Variants in PCDHA7 observed in about 807,000 individuals in gnomAD.
PCDHA7 encodes protocadherin alpha 7.
Under a neutral mutation model 57.2 loss-of-function variants are expected in PCDHA7, and 37 were observed. The observed-to-expected ratio is 0.65, with a 90% CI of 0.50 to 0.85. PCDHA7 has a LOEUF of 0.85. Ranked by LOEUF, PCDHA7 falls within the 40% of genes least tolerant of loss-of-function variation. The probability of loss-of-function intolerance (pLI) is 0.00; values close to 1 mark genes in which losing one functional copy is unlikely to be tolerated. For synonymous variants in PCDHA7, 553 were observed against 558.8 expected, an observed-to-expected ratio of 0.99 and a Z score of 0.15; for missense variants, 1,188 against 1,241.8, an observed-to-expected ratio of 0.96 and a Z score of 0.65.
At chr5:140,945,760 G>T (rs2093839081) in intron 1 of PCDHA7, among the ~76,000 whole-genome samples, 2 of 152,154 alleles carry the variant, frequency 1.3e-5, no homozygotes, top group East Asian at 1.9e-4. Flanking sequence ...AAATGGTGGT[G>T]GGACAATTTG....
intron 1 of PCDHA7, chr5:140,882,615 T>A (rs1554174850): frequency 6.2e-7 from 1 of 1,614,020 alleles, no homozygotes; most frequent in South Asian, 1.1e-5. Flanking sequence ...CCTCTGCAGG[T>A]TTTCCATGTG....
chr5:140,967,034 C>T (rs782810130), intron 1 of PCDHA7: 9 of 1,610,726 alleles, frequency 5.6e-6, no homozygotes, highest in Non-Finnish European at 2.5e-6. Flanking sequence ...TCCGCGCTAC[C>T]TGGAGCTGGA....
At position 140,959,344 on chromosome 5, in the gene PCDHA7, C is replaced by T. The variant is rs541663379; in HGVS notation, c.2356-19605C>T. Among the ~76,000 whole-genome samples the T allele has an allele frequency of 2.0e-4, 30 of 152,112 alleles. No individual in the cohort carries two copies. The South Asian group carries it at 6.0e-3, about 31-fold the overall frequency. On this transcript the variant is annotated intron_variant, in intron 1 of 3. Coordinates refer to ENST00000525929, the MANE Select transcript of PCDHA7 (RefSeq NM_018910.3). Reference sequence around the variant, plus strand: ...AAGTTTTGATTATGCTACTGCACTCCAGCGGGACAACTGAGTGAGACCCTG... The same window carrying T: ...AAGTTTTGATTATGCTACTGCACTCTAGCGGGACAACTGAGTGAGACCCTG...
chr5:140,899,995 A>G (rs1449060467), intron 1 of PCDHA7, among the ~76,000 whole-genome samples: 1 of 151,872 alleles, frequency 6.6e-6, no homozygotes, highest in Non-Finnish European at 1.5e-5. Context: ...TTTTTTGTAG[A>G]GATGAGGTCT....
At chr5:140,906,589 C>T (rs2072764004) in intron 1 of PCDHA7, among the ~76,000 whole-genome samples, 1 of 152,220 alleles carries the variant, frequency 6.6e-6, no homozygotes, top group South Asian at 2.1e-4. Context: ...TGACTACCTT[C>T]CTCTACTACT....
chr5:140,926,783 C>G lies in PCDHA7; in HGVS notation c.2356-52166C>G, dbSNP rs1230665699. 5.0e-6 allele frequency: 7 copies of G among 1,410,188 alleles called. No homozygotes were observed. The African/African-American group carries it at 7.3e-5, about 15-fold the overall frequency. The allele number at this position is 1,410,188 out of a possible 1,614,324, so 87.4% of individuals were successfully genotyped here. On this transcript the variant is annotated intron_variant, in intron 1 of 3. Transcript: ENST00000525929. The stretch of plus-strand genomic sequence containing the variant: ...GTATCCAGCCCGCAGCAGTGACGGC[C>G]GGCAGGAGCGTGCTCTTCCCCGCGG...
At chr5:140,966,789 C>T (rs782194817) in intron 1 of PCDHA7, 3 of 1,528,688 alleles carry the variant, frequency 2.0e-6, no homozygotes, top group Non-Finnish European at 2.6e-6. Flanking sequence ...GGCACCAGAC[C>T]TGCGGCGACA....
In PCDHA7 at chr5:141,010,032, T is replaced by C. The variant is rs529237892; in HGVS notation, c.*95T>C. 6.3e-7 allele frequency: 1 copy of C among 1,582,368 alleles called. No individual in the cohort carries two copies. Among genetic ancestry groups the C allele is most frequent in the African/African-American group, 1.4e-5 (1 of 73,468 alleles). On this transcript the variant is annotated 3_prime_UTR_variant, in exon 4 of 4. Transcript: ENST00000525929. ...TCCCTGCTCCTTTTTCCTATCTACA[T>C]GAGCCCTCTTAGAGACCTCAGAAAT...
intron 1 of PCDHA7, chr5:140,865,473 G>C (rs1425429584): frequency 6.6e-6 from 1 of 152,122 alleles, no homozygotes; most frequent in African/African-American, 2.4e-5. Context: ...TAAACATTAA[G>C]GAAATCTTCA....
intron 1 of PCDHA7, chr5:140,878,248 C>A (rs1449904760): frequency 6.5e-6 from 1 of 154,860 alleles, no homozygotes; most frequent in African/African-American, 2.4e-5. Flanking sequence ...TTAACTCTTC[C>A]TCACGTGCTT....
chr5:140,994,318 C>G (rs782231160), intron 3 of PCDHA7, among the ~76,000 whole-genome samples: 18 of 152,300 alleles, frequency 1.2e-4, no homozygotes, highest in Non-Finnish European at 1.6e-4. Context: ...CCCAAACACT[C>G]TCAGCAACCA....
intron 1 of PCDHA7, among the ~76,000 whole-genome samples, chr5:140,914,069 A>G (rs1042316751): frequency 2.8e-4 from 43 of 152,216 alleles, no homozygotes; most frequent in Non-Finnish European, 5.6e-4. Context: ...GAAATGCTCC[A>G]TAACTATCTA....
intron 1 of PCDHA7, chr5:140,866,269 TAAAG>T (rs2049248752): frequency 2.6e-5 from 4 of 152,174 alleles, no homozygotes; most frequent in Admixed American, 2.6e-4. Context: ...TTACTGTGAA[TAAAG>T]ACAGTGTTTG....
chr5:140,959,834 G>A (rs1223310946), intron 1 of PCDHA7, among the ~76,000 whole-genome samples: 1 of 152,144 alleles, frequency 6.6e-6, no homozygotes, highest in African/African-American at 2.4e-5. Context: ...AATGTATTAT[G>A]CCTGTAACTG....
chr5:140,955,922 GTTCA>G (rs1413540621), intron 1 of PCDHA7, among the ~76,000 whole-genome samples: 2 of 152,138 alleles, frequency 1.3e-5, no homozygotes, highest in African/African-American at 4.8e-5. Flanking sequence ...GTGAATGGGA[GTTCA>G]TTCATAATAT....
intron 1 of PCDHA7, chr5:140,882,195 T>C: frequency 1.3e-6 from 2 of 1,521,122 alleles, no homozygotes; most frequent in Non-Finnish European, 8.8e-7. Flanking sequence ...GCCATAAAAA[T>C]TGGGCCTTGA....
At position 140,858,007 on chromosome 5, in the gene PCDHA7, T is replaced by A. The variant is rs1383838363; in HGVS notation, c.2355+21269T>A. The stretch of plus-strand genomic sequence containing the variant: ...GCCTACTGGTGCTGGTGAAGGACCA[T>A]GGCGAGCCGTCGCTGACGGCCACGG... On this transcript the variant is annotated intron_variant, in intron 1 of 3. Coordinates refer to ENST00000525929, the MANE Select transcript of PCDHA7 (RefSeq NM_018910.3). The A allele has an allele frequency of 8.8e-6, 14 of 1,596,616 alleles. 1 individual carries two copies. Among genetic ancestry groups the A allele is most frequent in the Non-Finnish European group, 1.1e-5 (13 of 1,167,062 alleles).
intron 1 of PCDHA7, among the ~76,000 whole-genome samples, chr5:140,906,614 TTTG>T (rs1448753363): frequency 6.6e-6 from 1 of 152,208 alleles, no homozygotes; most frequent in Non-Finnish European, 1.5e-5. Flanking sequence ...CTGTATTCCC[TTTG>T]CCTTCAGCAA....
intron 3 of PCDHA7, among the ~76,000 whole-genome samples, chr5:141,008,176 C>T (rs2098363819): frequency 6.6e-6 from 1 of 152,032 alleles, no homozygotes; most frequent in East Asian, 1.9e-4. Context: ...AAAATGTGAC[C>T]ATTGATTGTG....
Sources: allele counts gnomAD v4.1 joint callset (sites outside exome capture counted in the v4.1 genomes callset), GRCh38; gene constraint gnomAD v4.1.1; transcripts MANE v1.5; gene names NCBI Gene and HGNC (gene_info 2026-07-23, HGNC 2026-07-21).